The following CTNNA3 variants were observed in gnomAD, a reference collection of about 807,000 sequenced individuals.
CTNNA3 encodes catenin alpha-3.
A neutral mutation model predicts 95.7 loss-of-function variants in CTNNA3; 76 were observed. The ratio of observed to expected loss-of-function variants is 0.79; its 90% CI spans 0.66 to 0.96. CTNNA3 has a LOEUF of 0.96. Among genes scored for constraint, CTNNA3 ranks in the 40% least tolerant of loss-of-function variants. The probability of loss-of-function intolerance (pLI) is 0.00; values close to 1 mark genes in which losing one functional copy is unlikely to be tolerated. For missense variants in CTNNA3, 1,191 were observed against 1,089.8 expected (o/e 1.09, Z -1.31); for synonymous variants, 431 against 374.4 (o/e 1.15, Z -1.74).
chr10:67,278,153 T>C (rs1839259639), intron 5 of CTNNA3, among the ~76,000 whole-genome samples: 1 of 152,180 alleles, frequency 6.6e-6, no homozygotes, highest in Non-Finnish European at 1.5e-5. Flanking sequence ...CTGGAGAACG[T>C]ACAGGTATAA....
rs1032258319 is a variant in CTNNA3, at chr10:67,046,120, A to C, written c.1047+134197T>G. Among the ~76,000 whole-genome samples the C allele has an allele frequency of 1.2e-3, 176 of 152,252 alleles. 1 individual carries two copies. The highest frequency in any genetic ancestry group is 4.1e-3 in the African/African-American group (169 of 41,544). On this transcript the variant is annotated intron_variant, in intron 7 of 17. Coordinates refer to ENST00000433211, the MANE Select transcript of CTNNA3 (RefSeq NM_013266.4). ...TCACAGGGCTAATCCCAGAAAAGGCAGTCTGGACTCGGTTATCCACATAAC... is the reference window on the plus strand; with the variant it reads ...TCACAGGGCTAATCCCAGAAAAGGCCGTCTGGACTCGGTTATCCACATAAC...
chr10:66,747,958 GA>G lies in CTNNA3; in HGVS notation c.1281+18305del, dbSNP rs573156107. ...TGGCACCAACTCATAGGTCAAATGG[GA>G]GATTCATACTGACAAGAGTCCAGAC... On this transcript the variant is annotated intron_variant, in intron 9 of 17. Transcript: ENST00000433211. Among the ~76,000 whole-genome samples, 54 of 152,228 alleles carry G rather than the reference GA, an allele frequency of 3.5e-4. No individual in the cohort carries two copies. The South Asian group carries it at 0.011, about 30-fold the overall frequency.
chr10:67,127,987 C>T (rs780791258), intron 7 of CTNNA3, among the ~76,000 whole-genome samples: 20 of 152,038 alleles, frequency 1.3e-4, no homozygotes, highest in Non-Finnish European at 2.8e-4. Context: ...CCATGTTTTT[C>T]CTCACATGTC....
intron 5 of CTNNA3, among the ~76,000 whole-genome samples, chr10:67,442,487 T>C (rs1456347133): frequency 6.6e-6 from 1 of 151,640 alleles, no homozygotes; most frequent in Non-Finnish European, 1.5e-5. Context: ...CTTACAAAAA[T>C]ACACATAGAC....
At chr10:66,109,873 A>G (rs1251961841) in intron 13 of CTNNA3, among the ~76,000 whole-genome samples, 3 of 151,894 alleles carry the variant, frequency 2.0e-5, no homozygotes, top group Non-Finnish European at 4.4e-5. Context: ...GTACAAAAAA[A>G]AAAAACTACA....
intron 12 of CTNNA3, among the ~76,000 whole-genome samples, chr10:66,315,506 T>TTGTGTG (rs58802869): frequency 3.7e-4 from 55 of 149,794 alleles, no homozygotes; most frequent in South Asian, 1.3e-3. Flanking sequence ...CTGACTTCTC[T>TTGTGTG]TGTGTGTGTG....
chr10:66,009,113 A>G (rs77029374), intron 15 of CTNNA3, among the ~76,000 whole-genome samples: 1 of 151,900 alleles, frequency 6.6e-6, no homozygotes, highest in Non-Finnish European at 1.5e-5. Flanking sequence ...AAAAAAAAAA[A>G]TTCTGTACTT....
At chr10:65,970,433 C>A (rs994428819) in intron 16 of CTNNA3, among the ~76,000 whole-genome samples, 5 of 151,778 alleles carry the variant, frequency 3.3e-5, no homozygotes, top group African/African-American at 1.2e-4. Flanking sequence ...TAATATTATC[C>A]TTGAATGTGA....
chr10:65,965,409 T>C (rs1344653308), intron 17 of CTNNA3, among the ~76,000 whole-genome samples: 5 of 141,122 alleles, frequency 3.5e-5, no homozygotes, highest in East Asian at 2.0e-4. Flanking sequence ...TTTTTTTTTT[T>C]TTTTTTTTTT....
intron 14 of CTNNA3, among the ~76,000 whole-genome samples, chr10:66,076,714 A>G (rs528839531): frequency 6.6e-4 from 100 of 151,770 alleles, no homozygotes; most frequent in African/African-American, 2.3e-3. Context: ...CTGATTATCT[A>G]TGTCTTAAAT....
chr10:66,999,340 T>C (rs1851548790), intron 7 of CTNNA3, among the ~76,000 whole-genome samples: 1 of 152,128 alleles, frequency 6.6e-6, no homozygotes, highest in Non-Finnish European at 1.5e-5. Flanking sequence ...TCATGGGCCT[T>C]CTGCCTAACA....
At chr10:65,967,345 A>T (rs2077994114) in intron 16 of CTNNA3, among the ~76,000 whole-genome samples, 1 of 152,188 alleles carries the variant, frequency 6.6e-6, no homozygotes, top group African/African-American at 2.4e-5. Flanking sequence ...TTCAGATTAT[A>T]TTTTTGGTAA....
intron 7 of CTNNA3, among the ~76,000 whole-genome samples, chr10:67,129,107 G>A (rs796072684): frequency 2.0e-5 from 3 of 152,170 alleles, no homozygotes; most frequent in African/African-American, 4.8e-5. Context: ...TATCTTCTTC[G>A]GACTGCCACC....
intron 11 of CTNNA3, among the ~76,000 whole-genome samples, chr10:66,403,423 G>T (rs1257618162): frequency 1.3e-5 from 2 of 152,136 alleles, no homozygotes; most frequent in Non-Finnish European, 2.9e-5. Flanking sequence ...TTAAAATCAT[G>T]GCGGAAGGTG....
At chr10:66,260,756 G>A (rs1258111090) in intron 13 of CTNNA3, among the ~76,000 whole-genome samples, 1 of 151,864 alleles carries the variant, frequency 6.6e-6, no homozygotes, top group African/African-American at 2.4e-5. Flanking sequence ...TTTCTTAATC[G>A]TATCTTTATA....
At chr10:66,216,050 T>G (rs2088510902) in intron 13 of CTNNA3, among the ~76,000 whole-genome samples, 1 of 152,274 alleles carries the variant, frequency 6.6e-6, no homozygotes, top group Non-Finnish European at 1.5e-5. Flanking sequence ...CCATCTTGGA[T>G]GCTAATCTGC....
At chr10:66,226,961 T>G (rs879685624) in intron 13 of CTNNA3, among the ~76,000 whole-genome samples, 1 of 151,930 alleles carries the variant, frequency 6.6e-6, no homozygotes, top group Non-Finnish European at 1.5e-5. Context: ...TTTGGTGGAG[T>G]CTAGATTTTC....
chr10:66,585,208 C>A (rs1321519613), intron 10 of CTNNA3, among the ~76,000 whole-genome samples: 1 of 151,856 alleles, frequency 6.6e-6, no homozygotes, highest in African/African-American at 2.4e-5. Context: ...CTTTGACCTT[C>A]TTATATTTGG....
At chr10:67,553,320 G>T (rs1841101311) in intron 3 of CTNNA3, among the ~76,000 whole-genome samples, 1 of 151,778 alleles carries the variant, frequency 6.6e-6, no homozygotes, top group Non-Finnish European at 1.5e-5. Context: ...TTTTACCTAG[G>T]TTTATACATA....
Sources: allele counts gnomAD v4.1 joint callset (sites outside exome capture counted in the v4.1 genomes callset), GRCh38; gene constraint gnomAD v4.1.1; transcripts MANE v1.5; gene names NCBI Gene and HGNC (gene_info 2026-07-23, HGNC 2026-07-21).